The following SHOC1 variants were observed in gnomAD, a reference collection of about 807,000 sequenced individuals.
The protein encoded by SHOC1 is shortage in chiasmata 1.
Under a neutral mutation model 179.2 loss-of-function variants are expected in SHOC1, and 136 were observed. The observed-to-expected ratio is 0.76, with a 90% CI of 0.66 to 0.87. The LOEUF (loss-of-function observed/expected upper bound fraction) is 0.87. Among genes scored for constraint, SHOC1 ranks in the 40% least tolerant of loss-of-function variants. The pLI, the probability that SHOC1 is intolerant of heterozygous loss-of-function variation, is 0.00. For synonymous variants in SHOC1, 489 were observed against 586.6 expected (o/e 0.83, Z 2.41); for missense variants, 1,538 against 1,700.8 (o/e 0.90, Z 1.68).
intron 12 of SHOC1, among the ~76,000 whole-genome samples, chr9:111,737,359 A>C (rs1036410321): frequency 1.6e-4 from 25 of 152,210 alleles, no homozygotes; most frequent in African/African-American, 5.3e-4. Flanking sequence ...ATTATCCTAT[A>C]ATAAACTATA....
At chr9:111,732,676 A>AT (rs2045248190) in intron 12 of SHOC1, among the ~76,000 whole-genome samples, 2 of 152,328 alleles carry the variant, frequency 1.3e-5, no homozygotes, top group South Asian at 4.1e-4. Context: ...ATTTCATTCC[A>AT]TAAGTGAAAT....
chr9:111,716,633 C>T (rs1172642307), intron 16 of SHOC1, among the ~76,000 whole-genome samples: 4 of 152,020 alleles, frequency 2.6e-5, no homozygotes, highest in African/African-American at 7.2e-5. Flanking sequence ...TCAGGTGATC[C>T]GCCCACCTCA....
At chr9:111,731,811 C>T (rs756044407) in intron 12 of SHOC1, among the ~76,000 whole-genome samples, 1 of 151,686 alleles carries the variant, frequency 6.6e-6, no homozygotes. Flanking sequence ...TAAAACATAT[C>T]ATTCATGTTT....
chr9:111,717,795 T>C (rs888240463), intron 16 of SHOC1, among the ~76,000 whole-genome samples: 1 of 152,074 alleles, frequency 6.6e-6, no homozygotes, highest in Non-Finnish European at 1.5e-5. Context: ...TTGGAAAAGA[T>C]CTTACTCCTT....
intron 8 of SHOC1, among the ~76,000 whole-genome samples, chr9:111,749,170 T>G (rs2131532856): frequency 6.6e-6 from 1 of 152,242 alleles, no homozygotes; most frequent in East Asian, 1.9e-4. Flanking sequence ...TTGTATTTTG[T>G]TTTTTGAAAT....
chr9:111,726,099 T>G (rs1214778089), intron 13 of SHOC1, among the ~76,000 whole-genome samples: 1 of 152,192 alleles, frequency 6.6e-6, no homozygotes, highest in East Asian at 1.9e-4. Context: ...TATATTTTGC[T>G]TATTTTTATG....
chr9:111,716,283 A>G (rs1031760428), intron 16 of SHOC1, among the ~76,000 whole-genome samples: 1 of 151,952 alleles, frequency 6.6e-6, no homozygotes, highest in Non-Finnish European at 1.5e-5. Context: ...TAAAGCTCTC[A>G]GTGGTCTCAC....
In SHOC1 at chr9:111,746,342, C is replaced by T. The variant is rs1364563073; in HGVS notation, c.971G>A (p.Gly324Glu). ...QSEPEECSKP[G>E]ELEMPLTPLF... ...AGGAGTTAGTGGCATTTCTAACTCT[C>T]CTGGAATATATGAAAATTAAAGTTA... Residue 324 changes from glycine to glutamate, a missense_variant and splice_region_variant, in exon 10 of 28, where the codon GGA becomes GAA. Physicochemically the swap from Gly to Glu is moderately conservative, Grantham distance 98. Transcript: ENST00000682961. 6.3e-7 allele frequency: 1 copy of T among 1,575,458 alleles called. No individual in the cohort carries two copies. The highest frequency in any genetic ancestry group is 8.7e-7 in the Non-Finnish European group (1 of 1,145,688).
intron 10 of SHOC1, among the ~76,000 whole-genome samples, chr9:111,746,030 G>T (rs976014363): frequency 2.6e-5 from 4 of 152,108 alleles, no homozygotes; most frequent in African/African-American, 9.7e-5. Flanking sequence ...TTTCTTGGGT[G>T]CCCTTCTAAA....
chr9:111,739,639 T>C (rs1833949085), intron 11 of SHOC1, among the ~76,000 whole-genome samples: 1 of 152,158 alleles, frequency 6.6e-6, no homozygotes, highest in African/African-American at 2.4e-5. Flanking sequence ...AGTCCATTCC[T>C]TTTTTTCAGG....
At chr9:111,703,480 ACTC>A (rs1287323399) in intron 22 of SHOC1, among the ~76,000 whole-genome samples, 3 of 152,144 alleles carry the variant, frequency 2.0e-5, no homozygotes, top group Non-Finnish European at 2.9e-5. Flanking sequence ...CTTAGAGACA[ACTC>A]CTGTTTACAC....
chr9:111,722,975 T>A (rs781352115), intron 14 of SHOC1, among the ~76,000 whole-genome samples: 4 of 152,122 alleles, frequency 2.6e-5, no homozygotes, highest in Non-Finnish European at 5.9e-5. Context: ...CTAATTTTTG[T>A]TTCATCATCT....
intron 7 of SHOC1, 138 bp from the exon 8 acceptor site, chr9:111,756,616 T>A: frequency 1.5e-6 from 1 of 683,132 alleles, no homozygotes; most frequent in South Asian, 2.0e-5. Flanking sequence ...TAAAGCTATA[T>A]ATACTTTAAA....
intron 5 of SHOC1, among the ~76,000 whole-genome samples, chr9:111,775,170 T>C (rs1454568916): frequency 6.6e-6 from 1 of 151,982 alleles, no homozygotes; most frequent in East Asian, 1.9e-4. Flanking sequence ...AATTTTTGTA[T>C]TTTGAGTAGA....
intron 13 of SHOC1, among the ~76,000 whole-genome samples, chr9:111,725,970 T>C (rs1367651444): frequency 2.0e-5 from 3 of 152,166 alleles, no homozygotes; most frequent in African/African-American, 7.2e-5. Flanking sequence ...AGTGTTAATT[T>C]TGGGGTGGAT....
chr9:111,763,127 TA>T (rs1031395814), intron 5 of SHOC1, among the ~76,000 whole-genome samples: 1 of 151,468 alleles, frequency 6.6e-6, no homozygotes, highest in Non-Finnish European at 1.5e-5. Context: ...CTGAAGAAAA[TA>T]AAAAATATAT....
At chr9:111,738,616 G>T (rs1833910580) in intron 11 of SHOC1, 94 bp from the exon 12 acceptor site, 5 of 1,185,978 alleles carry the variant, frequency 4.2e-6, no homozygotes. Flanking sequence ...ATTTCTTTAT[G>T]AAATGCATTT....
chr9:111,748,026 G>A (rs1015043610), intron 9 of SHOC1, 66 bp downstream of exon 9: 2 of 1,021,334 alleles, frequency 2.0e-6, no homozygotes, highest in African/African-American at 1.6e-5. Context: ...ATATGTGAAT[G>A]TACTGTACTT....
intron 5 of SHOC1, among the ~76,000 whole-genome samples, chr9:111,769,460 T>C (rs1292242795): frequency 6.6e-6 from 1 of 152,154 alleles, no homozygotes; most frequent in Admixed American, 6.6e-5. Context: ...CGGTTTTCTA[T>C]TTCTTCATAG....
Sources: gnomAD v4.1 joint callset for allele counts (sites outside exome capture counted in the v4.1 genomes callset) on GRCh38, gnomAD v4.1.1 for gene constraint, MANE v1.5 for transcripts, NCBI Gene and HGNC (gene_info 2026-07-23, HGNC 2026-07-21) for gene names.